The following PTPRG variants were observed in gnomAD, a reference collection of about 807,000 sequenced individuals.
PTPRG encodes the protein receptor-type tyrosine-protein phosphatase gamma.
In PTPRG, 102 loss-of-function variants were observed where a neutral mutation model predicts 165.3. The observed-to-expected ratio is 0.62, with a 90% CI of 0.53 to 0.73. The LOEUF is 0.73. Ranked by LOEUF, PTPRG falls within the 30% of genes least tolerant of loss-of-function variation. PTPRG has a pLI of 0.00. For synonymous variants in PTPRG, 675 were observed against 669.5 expected (o/e 1.01, Z -0.13); for missense variants, 1,866 against 1,861.4 (o/e 1.00, Z -0.05).
chr3:61,759,676 C>A (rs1575640752), intron 2 of PTPRG, among the ~76,000 whole-genome samples: 1 of 151,972 alleles, frequency 6.6e-6, no homozygotes, highest in East Asian at 1.9e-4. Flanking sequence ...AATAAGAATA[C>A]TAACAATGTA....
intron 2 of PTPRG, among the ~76,000 whole-genome samples, chr3:61,771,931 G>T (rs187426089): frequency 6.7e-4 from 101 of 151,864 alleles, no homozygotes; most frequent in African/African-American, 2.4e-3. Flanking sequence ...ATGGTGGTAG[G>T]CGCATGTAAT....
chr3:62,064,849 C>A (rs995442383), intron 4 of PTPRG, among the ~76,000 whole-genome samples: 1 of 150,666 alleles, frequency 6.6e-6, no homozygotes. Context: ...TCTCCTGCCT[C>A]GGCCTCCCGA....
Position 61,674,691 on chromosome 3 carries a change from T to C in PTPRG, c.86-74187T>C, listed in dbSNP as rs554461167. On this transcript the variant is annotated intron_variant, in intron 1 of 29. Transcript: ENST00000474889. ...AATTAAAAATAATTTTATCTTGACC[T>C]TTCTCTTTGTAACTTTAACATCACC... Among the ~76,000 whole-genome samples, 3 of 152,194 alleles carry C rather than the reference T, an allele frequency of 2.0e-5. No homozygotes were observed. In the East Asian group the frequency reaches 5.8e-4, roughly 29 times the overall value.
intron 1 of PTPRG, among the ~76,000 whole-genome samples, chr3:61,568,898 A>C (rs1699990938): frequency 7.7e-6 from 1 of 130,328 alleles, no homozygotes; most frequent in African/African-American, 2.9e-5. Context: ...ACAGAGCAAG[A>C]CTCCGTCTCA....
rs577389059 is a variant in PTPRG at position 62,092,854 on chromosome 3, T to C, written c.615+14596T>C. 7.9e-5 allele frequency among the ~76,000 whole-genome samples: 12 copies of C among 152,328 alleles called. No individual in the cohort carries two copies. The East Asian group carries it at 1.5e-3, about 20-fold the overall frequency. On this transcript the variant is annotated intron_variant, in intron 5 of 29. Transcript: ENST00000474889. Reference sequence around the variant, plus strand: ...GTGTAGTGATAAACATAAGTTACCATGTACAACAGTTGTGCAGTGGGAAGG... The same window carrying C: ...GTGTAGTGATAAACATAAGTTACCACGTACAACAGTTGTGCAGTGGGAAGG...
At chr3:62,177,995 T>A (rs1705495156) in intron 8 of PTPRG, among the ~76,000 whole-genome samples, 1 of 141,106 alleles carries the variant, frequency 7.1e-6, no homozygotes, top group African/African-American at 2.7e-5. Context: ...GAGGGTGCTA[T>A]GGTAACTGTT....
At chr3:62,125,857 G>A (rs1703271118) in intron 5 of PTPRG, among the ~76,000 whole-genome samples, 2 of 152,058 alleles carry the variant, frequency 1.3e-5, no homozygotes, top group South Asian at 2.1e-4. Context: ...GACAGGTTCT[G>A]GGACCCCGGC....
intron 1 of PTPRG, among the ~76,000 whole-genome samples, chr3:61,651,688 T>TTA (rs1222556972): frequency 6.6e-6 from 1 of 152,140 alleles, no homozygotes; most frequent in African/African-American, 2.4e-5. Flanking sequence ...GTCAGAAGCT[T>TTA]TATATATATT....
At chr3:62,165,896 TG>T (rs1440655092) in intron 7 of PTPRG, among the ~76,000 whole-genome samples, 1 of 152,110 alleles carries the variant, frequency 6.6e-6, no homozygotes, top group Non-Finnish European at 1.5e-5. Flanking sequence ...TGAGAAACAG[TG>T]GGGGTTAGTT....
intron 5 of PTPRG, among the ~76,000 whole-genome samples, chr3:62,100,011 C>A (rs1236095310): frequency 1.3e-5 from 2 of 151,890 alleles, no homozygotes; most frequent in Non-Finnish European, 2.9e-5. Context: ...GTTGACCAGG[C>A]TGGTCTTGAA....
rs543084448 is a variant in PTPRG at position 62,195,634 on chromosome 3, C to T, written c.1327+464C>T. On this transcript the variant is annotated intron_variant, in intron 10 of 29. Coordinates refer to ENST00000474889, the MANE Select transcript of PTPRG (RefSeq NM_002841.4). This position sits in a 1 kb window ranked among gnomAD's most constrained non-coding sequence, Gnocchi z 4.4. ...CCTGCATGCAGGATCCTTGAGATTC[C>T]TGGATCTAGATAGATGGTCCTGATG... is the stretch of plus-strand genomic sequence containing the variant. Among the ~76,000 whole-genome samples the T allele has an allele frequency of 8.0e-4, 122 of 152,256 alleles. No individual in the cohort carries two copies. Among genetic ancestry groups the T allele is most frequent in the African/African-American group, 2.9e-3 (121 of 41,546 alleles).
At chr3:61,699,803 G>C (rs1469924306) in intron 1 of PTPRG, among the ~76,000 whole-genome samples, 3 of 152,206 alleles carry the variant, frequency 2.0e-5, no homozygotes, top group Non-Finnish European at 4.4e-5. Context: ...GCTAGCTTCA[G>C]AGCAGGAAAA....
chr3:61,895,751 C>A (rs2038337698), intron 2 of PTPRG, among the ~76,000 whole-genome samples: 1 of 152,190 alleles, frequency 6.6e-6, no homozygotes, highest in South Asian at 2.1e-4. Context: ...GATGTGATGT[C>A]ACCTGTTGCT....
rs757177521 is a variant in PTPRG at position 62,252,203 on chromosome 3, C to G, written c.2468-2921C>G. On this transcript the variant is annotated intron_variant, in intron 15 of 29. Transcript: ENST00000474889. This position sits in a 1 kb window ranked among gnomAD's most constrained non-coding sequence, Gnocchi z 4.6. ...TTGTAGTCTTTATCACATAATTACA[C>G]TGTTCTTGCTCTCCCTTGTGTTCAT... is the stretch of plus-strand genomic sequence containing the variant. Among the ~76,000 whole-genome samples, 26 of 152,178 alleles carry G rather than the reference C, an allele frequency of 1.7e-4. No homozygotes were observed. The highest frequency in any genetic ancestry group is 3.5e-4 in the Non-Finnish European group (24 of 68,018).
intron 1 of PTPRG, among the ~76,000 whole-genome samples, chr3:61,653,903 G>GGAGGT (rs1553644925): frequency 7.3e-6 from 1 of 137,826 alleles, no homozygotes; most frequent in Non-Finnish European, 1.6e-5. Context: ...GAGCGGTGGG[G>GGAGGT]GGCGCGGGGA....
chr3:61,912,496 C>T (rs151072814), intron 2 of PTPRG, among the ~76,000 whole-genome samples: 39 of 152,140 alleles, frequency 2.6e-4, no homozygotes, highest in Admixed American at 2.4e-3. Context: ...ACTTAATTAC[C>T]CTTTAATGTT....
At chr3:62,142,058 C>G (rs544045943) in intron 6 of PTPRG, among the ~76,000 whole-genome samples, 192 of 149,864 alleles carry the variant, frequency 1.3e-3, no homozygotes, top group Non-Finnish European at 2.5e-3. Flanking sequence ...AAAGAATGGC[C>G]CACTCAACAA....
chr3:61,920,301 C>T (rs953203501), intron 2 of PTPRG, among the ~76,000 whole-genome samples: 18 of 152,162 alleles, frequency 1.2e-4, no homozygotes, highest in African/African-American at 4.3e-4. Flanking sequence ...CTCTCAGGCT[C>T]CTCCCAAAAT....
intron 2 of PTPRG, among the ~76,000 whole-genome samples, chr3:61,821,442 T>C (rs1467101001): frequency 6.6e-6 from 1 of 152,220 alleles, no homozygotes; most frequent in Admixed American, 6.5e-5. Context: ...GTGTTGGGAT[T>C]ACAGGCGTGA....
Sources: allele counts gnomAD v4.1 joint callset (sites outside exome capture counted in the v4.1 genomes callset), GRCh38; gene constraint gnomAD v4.1.1; non-coding constraint Gnocchi (gnomAD v3.1); transcripts MANE v1.5; gene names NCBI Gene and HGNC (gene_info 2026-07-23, HGNC 2026-07-21).